Variants in ARHGAP26 observed in about 807,000 individuals in gnomAD.
ARHGAP26 encodes the protein rho GTPase-activating protein 26.
A neutral mutation model predicts 104.8 loss-of-function variants in ARHGAP26; 38 were observed. The ratio of observed to expected loss-of-function variants is 0.36; its 90% CI spans 0.28 to 0.48. The LOEUF is 0.48. ARHGAP26 is among the 20% of genes least tolerant of loss of function. The probability of loss-of-function intolerance (pLI) is 0.99; values close to 1 mark genes in which losing one functional copy is unlikely to be tolerated. For synonymous variants in ARHGAP26, 341 were observed against 340.0 expected, an observed-to-expected ratio of 1.00 and a Z score of -0.03; for missense variants, 704 against 947.9, an observed-to-expected ratio of 0.74 and a Z score of 3.38.
rs1435217233 is a variant in ARHGAP26 at position 142,871,197 on chromosome 5, C to A, written c.155-2203C>A. 2.0e-5 allele frequency among the ~76,000 whole-genome samples: 3 copies of A among 152,140 alleles called. No homozygotes were observed. The highest frequency in any genetic ancestry group is 6.5e-5 in the Admixed American group (1 of 15,284). Reference sequence around the variant, plus strand: ...CACTGTGGCAGGGTGTGCTCTGTGCCAGTGGACAAGGAAATCAGGTCACCT... The same window carrying A: ...CACTGTGGCAGGGTGTGCTCTGTGCAAGTGGACAAGGAAATCAGGTCACCT... On this transcript the variant is annotated intron_variant, in intron 1 of 22. Coordinates refer to ENST00000645722, the MANE Select transcript of ARHGAP26 (RefSeq NM_001135608.3). This position sits in a 1 kb window ranked among gnomAD's most constrained non-coding sequence, Gnocchi z 4.1.
Position 142,770,578 on chromosome 5 carries a change from T to C in ARHGAP26, c.-184T>C, listed in dbSNP as rs1754986488. 3.9e-6 allele frequency: 1 copy of C among 258,862 alleles called. No homozygotes were observed. The highest frequency in any genetic ancestry group is 6.5e-6 in the Non-Finnish European group (1 of 154,796). The allele number at this position is 258,862 out of a possible 1,614,324, so 16.0% of individuals were successfully genotyped here. A position where few individuals can be genotyped will look rare whatever the true frequency, so the allele number is the denominator to read the frequency against. On this transcript the variant is annotated 5_prime_UTR_variant, in exon 1 of 23. Transcript: ENST00000645722. ...CCGGAACAGCAGCACCTCGGCCGGG[T>C]CCGAGCTCGGTTCGGGAGTCTTGCG... is the stretch of plus-strand genomic sequence containing the variant.
intron 14 of ARHGAP26, among the ~76,000 whole-genome samples, chr5:143,048,778 G>GT (rs1292700856): frequency 6.6e-6 from 1 of 151,704 alleles, no homozygotes; most frequent in African/African-American, 2.4e-5. Flanking sequence ...GCCAGGCGTG[G>GT]TGGTGCACAT....
intron 11 of ARHGAP26, among the ~76,000 whole-genome samples, chr5:143,001,007 C>T (rs147337660): frequency 0.023 from 3,551 of 152,018 alleles, 61 homozygotes; most frequent in Middle Eastern, 0.051. Context: ...AACAAACCTG[C>T]ATGTTCTGCA....
At chr5:142,790,459 G>C (rs909458926) in intron 1 of ARHGAP26, among the ~76,000 whole-genome samples, 14 of 152,122 alleles carry the variant, frequency 9.2e-5, no homozygotes, top group African/African-American at 3.1e-4. Flanking sequence ...AGTGATCTTG[G>C]TAAGATAGAA....
intron 11 of ARHGAP26, among the ~76,000 whole-genome samples, chr5:142,993,629 T>C (rs1775970635): frequency 6.6e-6 from 1 of 151,650 alleles, no homozygotes; most frequent in Non-Finnish European, 1.5e-5. Context: ...AATTACAAAC[T>C]AGATTGTTGA....
chr5:142,918,898 T>C (rs539300843), intron 10 of ARHGAP26, among the ~76,000 whole-genome samples: 1 of 152,340 alleles, frequency 6.6e-6, no homozygotes, highest in South Asian at 2.1e-4. Context: ...CTTTGAAGGT[T>C]CCTTCTGATT....
At chr5:143,036,804 C>G (rs868601646) in intron 12 of ARHGAP26, among the ~76,000 whole-genome samples, 15 of 152,142 alleles carry the variant, frequency 9.9e-5, no homozygotes, top group Non-Finnish European at 4.4e-5. Context: ...CATTTATAGA[C>G]CACTTAATTT....
chr5:142,892,799 C>A lies in ARHGAP26; in HGVS notation c.487-1439C>A, dbSNP rs73799025. Among the ~76,000 whole-genome samples, 88 of 152,138 alleles carry A rather than the reference C, an allele frequency of 5.8e-4. 1 individual carries two copies. Among genetic ancestry groups the A allele is most frequent in the African/African-American group, 2.0e-3 (82 of 41,478 alleles). Reference sequence around the variant, plus strand: ...TATTTAGGGTATCAGTCACCTCGAACATTTATCATTTCTTTGTGTTGGGAA... The same window carrying A: ...TATTTAGGGTATCAGTCACCTCGAAAATTTATCATTTCTTTGTGTTGGGAA... On this transcript the variant is annotated intron_variant, in intron 5 of 22. Transcript: ENST00000645722.
chr5:142,997,448 A>G (rs13162212), intron 11 of ARHGAP26, among the ~76,000 whole-genome samples: 109,943 of 151,924 alleles, frequency 0.72, 40,838 homozygotes, highest in Middle Eastern at 0.83. Flanking sequence ...TTGCTCTGTC[A>G]CCCAGGCTGG....
chr5:143,080,142 A>G (rs1404876815), intron 17 of ARHGAP26, among the ~76,000 whole-genome samples: 1 of 152,146 alleles, frequency 6.6e-6, no homozygotes, highest in Non-Finnish European at 1.5e-5. Flanking sequence ...CCTTTCACTT[A>G]TTCATTCTTC....
intron 11 of ARHGAP26, among the ~76,000 whole-genome samples, chr5:142,959,776 C>T (rs1309364342): frequency 6.6e-6 from 1 of 152,172 alleles, no homozygotes; most frequent in Non-Finnish European, 1.5e-5. Context: ...TCTGCAAAAC[C>T]CCTTCACAGT....
chr5:142,955,603 C>T (rs539282119), intron 11 of ARHGAP26, among the ~76,000 whole-genome samples: 1 of 152,310 alleles, frequency 6.6e-6, no homozygotes, highest in African/African-American at 2.4e-5. Flanking sequence ...AACCTCCCGC[C>T]TCAATCATTG....
chr5:142,855,346 A>G (rs534316451), intron 1 of ARHGAP26, among the ~76,000 whole-genome samples: 2 of 152,306 alleles, frequency 1.3e-5, no homozygotes, highest in East Asian at 3.9e-4. Flanking sequence ...TTCAGATACT[A>G]GGAGGCTGCT....
intron 17 of ARHGAP26, among the ~76,000 whole-genome samples, chr5:143,097,821 CAA>C (rs35803857): frequency 5.0e-5 from 6 of 121,084 alleles, no homozygotes; most frequent in Non-Finnish European, 8.3e-5. Flanking sequence ...GACTCCAACT[CAA>C]AAAAAAAAAA....
chr5:143,014,375 G>A (rs1303983044), intron 12 of ARHGAP26: 4 of 548,720 alleles, frequency 7.3e-6, no homozygotes, highest in African/African-American at 1.9e-5. Context: ...AAGCATTCTC[G>A]TGTACATTAT....
intron 20 of ARHGAP26, among the ~76,000 whole-genome samples, chr5:143,149,221 A>G (rs1799520872): frequency 6.6e-6 from 1 of 152,138 alleles, no homozygotes; most frequent in Non-Finnish European, 1.5e-5. Context: ...GATAACAGGA[A>G]CGGTTCTAAT....
intron 12 of ARHGAP26, among the ~76,000 whole-genome samples, chr5:143,022,263 G>C (rs1780447238): frequency 6.6e-6 from 1 of 151,938 alleles, no homozygotes; most frequent in Non-Finnish European, 1.5e-5. Flanking sequence ...AGTAGAGATG[G>C]GGTTTCACCA....
At chr5:142,899,416 G>A (rs1045387041) in intron 6 of ARHGAP26, among the ~76,000 whole-genome samples, 47 of 152,190 alleles carry the variant, frequency 3.1e-4, no homozygotes, top group African/African-American at 1.1e-3. Context: ...AGTAGGAATA[G>A]GTTTTGCTTA....
intron 17 of ARHGAP26, among the ~76,000 whole-genome samples, chr5:143,120,460 T>C (rs1796006757): frequency 6.6e-6 from 1 of 152,224 alleles, no homozygotes; most frequent in African/African-American, 2.4e-5. Flanking sequence ...GATCGGCCTT[T>C]AATACTTTAC....
Sources: gnomAD v4.1 joint callset for allele counts (sites outside exome capture counted in the v4.1 genomes callset) on GRCh38, gnomAD v4.1.1 for gene constraint, Gnocchi (gnomAD v3.1) non-coding constraint, MANE v1.5 for transcripts, NCBI Gene and HGNC (gene_info 2026-07-23, HGNC 2026-07-21) for gene names.